The following NPY2R variants were observed in gnomAD, a reference collection of about 807,000 sequenced individuals.
NPY2R encodes the protein neuropeptide Y receptor Y2, also known as neuropeptide Y receptor type 2.
Under a neutral mutation model 22.3 loss-of-function variants are expected in NPY2R, and 17 were observed. That is an observed-to-expected ratio of 0.76 (90% CI 0.52 to 1.14). NPY2R has a LOEUF of 1.14. NPY2R is among the 50% of genes most tolerant of loss of function. The pLI, the probability that NPY2R is intolerant of heterozygous loss-of-function variation, is 0.00. For missense variants in NPY2R, 424 were observed against 467.9 expected (o/e 0.91, Z 0.87); for synonymous variants, 209 against 183.4 (o/e 1.14, Z -1.13).
chr4:155,179,719 C>T, the NPY2R span, among the ~76,000 whole-genome samples: 5 of 152,170 alleles, frequency 3.3e-5, no homozygotes, highest in African/African-American at 1.2e-4. Context: ...TAGTCAAGAC[C>T]CAACAGGACC....
In NPY2R at chr4:155,214,599, T is replaced by C; in HGVS notation, c.660T>C (p.Ser220=). 1.2e-6 allele frequency: 2 copies of C among 1,614,206 alleles called. No homozygotes were observed. Among genetic ancestry groups the C allele is most frequent in the South Asian group, 1.1e-5 (1 of 91,086 alleles). ...AGAGCATCTATGGCACTGTCTATAGTCTTTCTTCCTTGTTGATCTTGTATG... is the reference window on the plus strand; with the variant it reads ...AGAGCATCTATGGCACTGTCTATAGCCTTTCTTCCTTGTTGATCTTGTATG... ...EEKSIYGTVY[S]LSSLLILYVL... The change falls in exon 2 of 2, where the codon AGT becomes AGC. Residue 220 remains serine, a synonymous_variant. Coordinates refer to ENST00000329476, the MANE Select transcript of NPY2R (RefSeq NM_000910.4).
upstream of NPY2R, among the ~76,000 whole-genome samples, chr4:155,204,730 G>A (rs1410164081): frequency 6.6e-6 from 1 of 151,984 alleles, no homozygotes; most frequent in Non-Finnish European, 1.5e-5. Context: ...TGAGAAGGCA[G>A]GCTACAAGTT....
chr4:155,197,645 A>G, the NPY2R span, among the ~76,000 whole-genome samples: 1 of 152,156 alleles, frequency 6.6e-6, no homozygotes, highest in Non-Finnish European at 1.5e-5. Flanking sequence ...TCCTAATAGT[A>G]ACTTTCACTG....
At chr4:155,195,110 T>C in the NPY2R span, among the ~76,000 whole-genome samples, 57 of 151,942 alleles carry the variant, frequency 3.8e-4, no homozygotes, top group African/African-American at 1.3e-3. Context: ...TACAAATAAT[T>C]TTATCAGTGT....
rs199805893 is a variant in NPY2R, at chr4:155,214,381, C to T, written c.442C>T (p.Arg148Trp). 22 of 1,613,970 alleles carry T rather than the reference C, an allele frequency of 1.4e-5. No homozygotes were observed. The highest frequency in any genetic ancestry group is 3.3e-5 in the Admixed American group (2 of 59,992). ...CACCTTGACAGTAATTGCCCTGGAC[C>T]GGCACAGGTGCATCGTCTACCACCT... ...TITLTVIALD[R>W]HRCIVYHLES... Residue 148 changes from arginine (R) to tryptophan (W), a missense_variant, in exon 2 of 2, where the codon CGG (arginine) becomes TGG (tryptophan). Arg to Trp is a moderately radical substitution (Grantham distance 101, BLOSUM62 -3). Transcript: ENST00000329476.
upstream of NPY2R, among the ~76,000 whole-genome samples, chr4:155,204,041 G>T (rs1179770470): frequency 2.6e-5 from 4 of 151,920 alleles, no homozygotes; most frequent in Non-Finnish European, 1.5e-5. Context: ...CTTCCTTTTG[G>T]CCAGTGGCCT....
the NPY2R span, among the ~76,000 whole-genome samples, chr4:155,175,177 C>T: frequency 3.3e-5 from 5 of 151,996 alleles, no homozygotes; most frequent in African/African-American, 7.2e-5. Flanking sequence ...TTTCGCCAAC[C>T]GAGTACCATT....
upstream of NPY2R, chr4:155,207,742 C>T (rs1389124457): frequency 6.6e-6 from 1 of 152,280 alleles, no homozygotes; most frequent in Admixed American, 6.5e-5. Flanking sequence ...GCGAGTATTC[C>T]ATAGGCATGC....
the NPY2R span, among the ~76,000 whole-genome samples, chr4:155,181,050 A>G: frequency 6.6e-6 from 1 of 152,198 alleles, no homozygotes; most frequent in Non-Finnish European, 1.5e-5. Flanking sequence ...ATTACTAGAA[A>G]AGTCAGAATG....
chr4:155,212,677 T>G (rs1186664867), intron 1 of NPY2R, among the ~76,000 whole-genome samples: 1 of 152,076 alleles, frequency 6.6e-6, no homozygotes, highest in African/African-American at 2.4e-5. Context: ...AGAAGATGAT[T>G]AGAGTAATCA....
In NPY2R at chr4:155,210,362, A is replaced by G. The variant is rs142325049; in HGVS notation, c.-49+1293A>G. On this transcript the variant is annotated intron_variant, in intron 1 of 1. Transcript: ENST00000329476. ...TAAATAAAAGGGCTTCAAAATTTAT[A>G]AAACAAGACTGAGAAGAAAAAGCAA... Among the ~76,000 whole-genome samples the G allele has an allele frequency of 2.1e-4, 32 of 152,346 alleles. 1 individual carries two copies. Among genetic ancestry groups the G allele is most frequent in the African/African-American group, 7.2e-4 (30 of 41,572 alleles).
chr4:155,193,685 T>C, the NPY2R span, among the ~76,000 whole-genome samples: 1 of 151,910 alleles, frequency 6.6e-6, no homozygotes, highest in African/African-American at 2.4e-5. Flanking sequence ...GGATGAATAG[T>C]TCGTGCATCC....
chr4:155,201,320 T>C, the NPY2R span, among the ~76,000 whole-genome samples: 1 of 152,086 alleles, frequency 6.6e-6, no homozygotes, highest in African/African-American at 2.4e-5. Context: ...TTTAGAAGCT[T>C]TTCTCTTTGG....
the NPY2R span, among the ~76,000 whole-genome samples, chr4:155,188,536 G>A: frequency 1.3e-5 from 2 of 152,074 alleles, no homozygotes; most frequent in African/African-American, 4.8e-5. Flanking sequence ...AGTCAAAAGC[G>A]GCAAAGGTGA....
chr4:155,214,595 A>G lies in NPY2R; in HGVS notation c.656A>G (p.Tyr219Cys), dbSNP rs1729474036. Reference protein sequence around the residue: ...GEEKSIYGTVYSLSSLLILYV... With the variant: ...GEEKSIYGTVCSLSSLLILYV... Reference sequence around the variant, plus strand: ...GAGAAGAGCATCTATGGCACTGTCTATAGTCTTTCTTCCTTGTTGATCTTG... The same window carrying G: ...GAGAAGAGCATCTATGGCACTGTCTGTAGTCTTTCTTCCTTGTTGATCTTG... The change falls in exon 2 of 2, where the codon TAT becomes TGT. Residue 219 changes from tyrosine (Y) to cysteine (C), a missense_variant. Transcript: ENST00000329476. The G allele has an allele frequency of 1.2e-6, 2 of 1,614,062 alleles. No individual in the cohort carries two copies. Among genetic ancestry groups the G allele is most frequent in the Non-Finnish European group, 1.7e-6 (2 of 1,180,022 alleles).
At chr4:155,184,775 G>A in the NPY2R span, among the ~76,000 whole-genome samples, 24 of 151,916 alleles carry the variant, frequency 1.6e-4, no homozygotes, top group African/African-American at 5.8e-4. Flanking sequence ...TAGTCTAATT[G>A]TGTCTGGCAA....
chr4:155,184,603 TA>T, the NPY2R span, among the ~76,000 whole-genome samples: 3 of 152,142 alleles, frequency 2.0e-5, no homozygotes, highest in Non-Finnish European at 2.9e-5. Flanking sequence ...CCCTGAGCCA[TA>T]AAAAAGGTCT....
the NPY2R span, among the ~76,000 whole-genome samples, chr4:155,190,433 G>A: frequency 1.0e-3 from 155 of 152,028 alleles, no homozygotes; most frequent in East Asian, 0.025. Flanking sequence ...AAGAAAACAG[G>A]TAACACAGTT....
chr4:155,189,954 G>A, the NPY2R span, among the ~76,000 whole-genome samples: 81 of 151,916 alleles, frequency 5.3e-4, no homozygotes, highest in African/African-American at 1.8e-3. Context: ...GAGTTCATCC[G>A]TATTTAGTGA....
Sources: allele counts gnomAD v4.1 joint callset (sites outside exome capture counted in the v4.1 genomes callset), GRCh38; gene constraint gnomAD v4.1.1; transcripts MANE v1.5; gene names NCBI Gene and HGNC (gene_info 2026-07-23, HGNC 2026-07-21).